Variants in TMPRSS15 observed in about 807,000 individuals in gnomAD.
TMPRSS15 encodes the protein enteropeptidase.
In TMPRSS15, 128 loss-of-function variants were observed where a neutral mutation model predicts 125.3. The observed-to-expected ratio is 1.02, with a 90% confidence interval of 0.89 to 1.18. The LOEUF (loss-of-function observed/expected upper bound fraction) is 1.18. Ranked by LOEUF, TMPRSS15 falls within the 50% of genes most tolerant of loss-of-function variation. The pLI, the probability that TMPRSS15 is intolerant of heterozygous loss-of-function variation, is 0.00. For missense variants in TMPRSS15, 1,283 were observed against 1,212.7 expected, an observed-to-expected ratio of 1.06 and a Z score of -0.86; for synonymous variants, 446 against 423.2, an observed-to-expected ratio of 1.05 and a Z score of -0.66.
At chr21:18,424,750 G>A (rs1006021323) in intron 1 of TMPRSS15, among the ~76,000 whole-genome samples, 5 of 151,904 alleles carry the variant, frequency 3.3e-5, no homozygotes, top group Non-Finnish European at 7.4e-5. Context: ...AAAAGAGCTA[G>A]GCATCTGCAA....
rs1568979147 is a variant in TMPRSS15, at chr21:18,280,580, A to AC, written c.2668+459_2668+460insG. Among the ~76,000 whole-genome samples, 543 of 147,730 alleles carry AC rather than the reference A, an allele frequency of 3.7e-3. 19 individuals are homozygous for AC. Among genetic ancestry groups the AC allele is most frequent in the African/African-American group, 0.012 (445 of 38,252 alleles). On this transcript the variant is annotated intron_variant, in intron 22 of 24. Transcript: ENST00000284885. ...AACAGAGCGAGACTCCGTCTCAAAA[A>AC]AAAAAAAAAAAAAAACAACAAAACA...
intron 21 of TMPRSS15, 34 bp downstream of exon 21, chr21:18,294,236 T>A: frequency 1.2e-6 from 2 of 1,613,388 alleles, no homozygotes; most frequent in Non-Finnish European, 1.7e-6. Flanking sequence ...TGTGGTGACC[T>A]AGTTTGGGAA....
upstream of TMPRSS15, among the ~76,000 whole-genome samples, chr21:18,404,238 C>G (rs1273292079): frequency 2.0e-5 from 3 of 152,154 alleles, no homozygotes; most frequent in African/African-American, 7.2e-5. Context: ...TGTTATGTCA[C>G]CCAGGTGAAG....
intron 13 of TMPRSS15, among the ~76,000 whole-genome samples, chr21:18,335,153 C>G (rs140806120): frequency 1.3e-5 from 2 of 152,264 alleles, no homozygotes; most frequent in African/African-American, 4.8e-5. Flanking sequence ...TTCTTTTAAA[C>G]CTTAATGAGA....
chr21:18,400,405 AC>A (rs2076084054), intron 1 of TMPRSS15, among the ~76,000 whole-genome samples: 1 of 151,996 alleles, frequency 6.6e-6, no homozygotes, highest in African/African-American at 2.4e-5. Context: ...AGAATAGAGA[AC>A]CCACAGTAAA....
At chr21:18,415,681 T>G (rs9982098) in intron 1 of TMPRSS15, among the ~76,000 whole-genome samples, 97,060 of 151,898 alleles carry the variant, frequency 0.64, 31,449 homozygotes, top group Middle Eastern at 0.75. Flanking sequence ...TGAGTTTACA[T>G]CTGGTCTCTT....
intron 1 of TMPRSS15, among the ~76,000 whole-genome samples, chr21:18,434,316 A>G (rs562611234): frequency 1.1e-4 from 16 of 152,288 alleles, no homozygotes; most frequent in Non-Finnish European, 1.8e-4. Context: ...ATGTACACAC[A>G]TAAGTATAAA....
intron 22 of TMPRSS15, among the ~76,000 whole-genome samples, chr21:18,279,980 C>A (rs954347335): frequency 1.3e-5 from 2 of 152,062 alleles, no homozygotes; most frequent in African/African-American, 4.8e-5. Flanking sequence ...AGGGCAGACA[C>A]AAAAATGAAT....
At chr21:18,273,236 G>C (rs2074581058) in intron 24 of TMPRSS15, among the ~76,000 whole-genome samples, 1 of 152,198 alleles carries the variant, frequency 6.6e-6, no homozygotes. Flanking sequence ...TGGTAAGTCA[G>C]AAGTTGTGGA....
chr21:18,329,045 T>C, intron 15 of TMPRSS15, 124 bp downstream of exon 15: 3 of 1,086,820 alleles, frequency 2.8e-6, no homozygotes, highest in Non-Finnish European at 4.1e-6. Context: ...CTCATGTCAC[T>C]TTACTATTGT....
chr21:18,299,969 T>G (rs2074947646), intron 18 of TMPRSS15, among the ~76,000 whole-genome samples: 1 of 152,194 alleles, frequency 6.6e-6, no homozygotes, highest in African/African-American at 2.4e-5. Flanking sequence ...GGCATGAGGC[T>G]CTGCTTTTTG....
intron 18 of TMPRSS15, among the ~76,000 whole-genome samples, chr21:18,301,411 T>C (rs1371176881): frequency 2.6e-5 from 4 of 152,212 alleles, no homozygotes; most frequent in Non-Finnish European, 5.9e-5. Context: ...AAAATCTTCT[T>C]CACAGAAGAA....
intron 5 of TMPRSS15, among the ~76,000 whole-genome samples, chr21:18,374,460 A>G (rs1405509195): frequency 2.2e-5 from 3 of 133,960 alleles, no homozygotes; most frequent in African/African-American, 8.4e-5. Context: ...GGCCTGGGCG[A>G]CAGAGCGAGA....
chr21:18,372,770 G>A (rs1024983121), intron 5 of TMPRSS15, among the ~76,000 whole-genome samples: 1 of 152,150 alleles, frequency 6.6e-6, no homozygotes, highest in Admixed American at 6.5e-5. Flanking sequence ...TTCTTAGGGG[G>A]TACACTGTAA....
intron 21 of TMPRSS15, among the ~76,000 whole-genome samples, chr21:18,292,599 T>C (rs1355806894): frequency 2.6e-5 from 4 of 152,232 alleles, no homozygotes; most frequent in Non-Finnish European, 5.9e-5. Flanking sequence ...CTGATTGATG[T>C]TTAGACAGCA....
At chr21:18,376,159 C>T (rs1489384423) in intron 5 of TMPRSS15, among the ~76,000 whole-genome samples, 1 of 151,574 alleles carries the variant, frequency 6.6e-6, no homozygotes, top group African/African-American at 2.4e-5. Context: ...AAATAGATAT[C>T]ACCTTACAGA....
chr21:18,344,134 G>T, intron 10 of TMPRSS15, 74 bp from the exon 11 acceptor site: 5 of 1,270,722 alleles, frequency 3.9e-6, no homozygotes, highest in Non-Finnish European at 5.7e-6. Context: ...GACTTTGTAA[G>T]CAGGAAAGAA....
chr21:18,402,527 CAAAAAA>C (rs60612261), intron 1 of TMPRSS15, among the ~76,000 whole-genome samples: 1 of 109,128 alleles, frequency 9.2e-6, no homozygotes, highest in Non-Finnish European at 1.8e-5. Flanking sequence ...GACTCTATCT[CAAAAAA>C]AAAAAAAAAA....
At chr21:18,392,873 G>A (rs1302186988) in intron 3 of TMPRSS15, among the ~76,000 whole-genome samples, 1 of 152,076 alleles carries the variant, frequency 6.6e-6, no homozygotes, top group Non-Finnish European at 1.5e-5. Flanking sequence ...AAAACCATCA[G>A]ATCTCATGAG....
Sources: allele counts gnomAD v4.1 joint callset (sites outside exome capture counted in the v4.1 genomes callset), GRCh38; gene constraint gnomAD v4.1.1; transcripts MANE v1.5; gene names NCBI Gene and HGNC (gene_info 2026-07-23, HGNC 2026-07-21).